The following SLC25A21 variants were observed in gnomAD, a reference collection of about 807,000 sequenced individuals.
The protein encoded by SLC25A21 is solute carrier family 25 member 21, also known as mitochondrial 2-oxodicarboxylate carrier.
A neutral mutation model predicts 43.8 loss-of-function variants in SLC25A21; 47 were observed. The observed-to-expected ratio is 1.07, with a 90% CI of 0.85 to 1.37. The LOEUF (loss-of-function observed/expected upper bound fraction) is 1.37, where lower values mean the gene tolerates loss of function less well. Among genes scored for constraint, SLC25A21 ranks in the 40% most tolerant of loss-of-function variants. The pLI is 0.00. For synonymous variants in SLC25A21, 131 were observed against 121.3 expected (o/e 1.08, Z -0.52); for missense variants, 352 against 350.2 (o/e 1.00, Z -0.04).
chr14:36,714,669 G>A (rs1469054473), intron 6 of SLC25A21, among the ~76,000 whole-genome samples: 2 of 152,218 alleles, frequency 1.3e-5, no homozygotes, highest in African/African-American at 4.8e-5. Context: ...CTGGAACACA[G>A]GAAGTGCTCA....
chr14:36,957,855 T>A (rs1254292432), intron 1 of SLC25A21, among the ~76,000 whole-genome samples: 2 of 152,222 alleles, frequency 1.3e-5, no homozygotes, highest in Non-Finnish European at 2.9e-5. Flanking sequence ...CGCAACTTGT[T>A]CTTATAATGA....
intron 1 of SLC25A21, among the ~76,000 whole-genome samples, chr14:36,953,269 G>A (rs1408235210): frequency 6.6e-6 from 1 of 152,110 alleles, no homozygotes; most frequent in Admixed American, 6.6e-5. Flanking sequence ...TAAATGGCAG[G>A]CTGAGCTAAA....
At chr14:37,073,039 C>T (rs1962206415) in intron 1 of SLC25A21, among the ~76,000 whole-genome samples, 1 of 152,192 alleles carries the variant, frequency 6.6e-6, no homozygotes, top group African/African-American at 2.4e-5. Context: ...ATATTCTATT[C>T]TGGCATATTG....
intron 7 of SLC25A21, among the ~76,000 whole-genome samples, chr14:36,698,225 A>C (rs1883124983): frequency 6.6e-6 from 1 of 152,144 alleles, no homozygotes; most frequent in South Asian, 2.1e-4. Flanking sequence ...TTTCTTTAAG[A>C]ATGTTGAATA....
chr14:36,940,916 T>C (rs891645180), intron 1 of SLC25A21, among the ~76,000 whole-genome samples: 1 of 152,158 alleles, frequency 6.6e-6, no homozygotes, highest in African/African-American at 2.4e-5. Context: ...GGTCATTTGA[T>C]CTTGCTTCTG....
intron 2 of SLC25A21, among the ~76,000 whole-genome samples, chr14:36,827,324 G>T (rs1232745265): frequency 6.6e-6 from 1 of 152,068 alleles, no homozygotes; most frequent in East Asian, 1.9e-4. Context: ...CCTTTCGGTG[G>T]AAGAAAAGAG....
At chr14:36,758,893 G>T (rs1002104153) in intron 3 of SLC25A21, among the ~76,000 whole-genome samples, 2 of 152,174 alleles carry the variant, frequency 1.3e-5, no homozygotes, top group African/African-American at 4.8e-5. Context: ...CATTGAGAAA[G>T]GATGCATTTC....
At chr14:36,854,940 G>T (rs186823273) in intron 2 of SLC25A21, among the ~76,000 whole-genome samples, 1 of 150,514 alleles carries the variant, frequency 6.6e-6, no homozygotes, top group East Asian at 2.0e-4. Flanking sequence ...AGGTGGGGGG[G>T]GGTATTCTGC....
intron 1 of SLC25A21, among the ~76,000 whole-genome samples, chr14:37,080,068 T>G (rs1237741541): frequency 6.6e-6 from 1 of 152,150 alleles, no homozygotes; most frequent in Non-Finnish European, 1.5e-5. Context: ...GATCTTGGAC[T>G]TCCCAGCGTA....
At chr14:37,104,902 C>T (rs1364554677) in intron 1 of SLC25A21, among the ~76,000 whole-genome samples, 2 of 152,138 alleles carry the variant, frequency 1.3e-5, no homozygotes, top group Non-Finnish European at 2.9e-5. Flanking sequence ...CTTGCATAGC[C>T]TCTGAAATAC....
intron 1 of SLC25A21, among the ~76,000 whole-genome samples, chr14:37,005,045 G>C (rs143765528): frequency 1.3e-5 from 2 of 151,690 alleles, no homozygotes; most frequent in African/African-American, 4.8e-5. Flanking sequence ...CCGTCCAATG[G>C]GAGGCAGGGC....
intron 2 of SLC25A21, among the ~76,000 whole-genome samples, chr14:36,843,503 G>A (rs1175707727): frequency 6.6e-6 from 1 of 152,200 alleles, no homozygotes. Context: ...CTCATCTAGA[G>A]TCATCAATTT....
At chr14:37,049,805 A>T (rs1421859740) in intron 1 of SLC25A21, among the ~76,000 whole-genome samples, 2 of 152,218 alleles carry the variant, frequency 1.3e-5, no homozygotes, top group Middle Eastern at 3.2e-3. Context: ...ACAACTATTA[A>T]AATTATTAGT....
rs145125273 is a variant in SLC25A21 at position 37,066,371 on chromosome 14, A to T, written c.70+105910T>A. On this transcript the variant is annotated intron_variant, in intron 1 of 9. Coordinates refer to ENST00000331299, the MANE Select transcript of SLC25A21 (RefSeq NM_030631.4). The stretch of plus-strand genomic sequence containing the variant: ...TTAAAAAGGCTTCAAAGACATGACA[A>T]CTAAATGCAATACCTGACTCTACAC... Among the ~76,000 whole-genome samples, 6 of 152,158 alleles carry T rather than the reference A, an allele frequency of 3.9e-5. No homozygotes were observed. In the East Asian group the frequency reaches 9.6e-4, roughly 24 times the overall value.
chr14:36,927,667 G>A (rs965102169), intron 1 of SLC25A21, among the ~76,000 whole-genome samples: 3 of 152,130 alleles, frequency 2.0e-5, no homozygotes, highest in Admixed American at 6.5e-5. Context: ...TACTAATGTG[G>A]AGAGTCAATC....
intron 1 of SLC25A21, among the ~76,000 whole-genome samples, chr14:37,043,192 A>G (rs1961511191): frequency 6.6e-6 from 1 of 152,142 alleles, no homozygotes; most frequent in Non-Finnish European, 1.5e-5. Context: ...CCTAGTTCAG[A>G]CAGGACCCAT....
intron 1 of SLC25A21, among the ~76,000 whole-genome samples, chr14:37,055,322 C>G (rs1282574846): frequency 1.3e-5 from 2 of 152,146 alleles, no homozygotes; most frequent in African/African-American, 4.8e-5. Context: ...AAGGAAATAA[C>G]TATATTTCAC....
intron 3 of SLC25A21, among the ~76,000 whole-genome samples, chr14:36,796,282 A>G (rs1887665997): frequency 6.6e-6 from 1 of 152,210 alleles, no homozygotes; most frequent in African/African-American, 2.4e-5. Flanking sequence ...GGAATTAAGA[A>G]TAAGTTAAAT....
intron 1 of SLC25A21, among the ~76,000 whole-genome samples, chr14:37,114,695 G>A (rs1963075687): frequency 1.3e-5 from 2 of 152,086 alleles, no homozygotes; most frequent in Admixed American, 6.5e-5. Context: ...TGGTATGTGT[G>A]ATCCTTACAG....
Sources: gnomAD v4.1 joint callset for allele counts (sites outside exome capture counted in the v4.1 genomes callset) on GRCh38, gnomAD v4.1.1 for gene constraint, MANE v1.5 for transcripts, NCBI Gene and HGNC (gene_info 2026-07-23, HGNC 2026-07-21) for gene names.